The following DACH2 variants were observed in gnomAD, a reference collection of about 807,000 sequenced individuals.
The protein encoded by DACH2 is dachshund family transcription factor 2, also known as dachshund homolog 2.
A neutral mutation model predicts 35.8 loss-of-function variants in DACH2; 17 were observed. The ratio of observed to expected loss-of-function variants is 0.48; its 90% CI spans 0.33 to 0.71. The LOEUF is 0.71. DACH2 is among the 30% of genes least tolerant of loss of function. The pLI, the probability that DACH2 is intolerant of heterozygous loss-of-function variation, is 0.02. For synonymous variants in DACH2, 195 were observed against 177.3 expected (o/e 1.10, Z -0.79); for missense variants, 469 against 472.7 (o/e 0.99, Z 0.07).
intron 4 of DACH2, among the ~76,000 whole-genome samples, chrX:86,660,765 A>T (rs768214824): frequency 9.0e-6 from 1 of 111,570 alleles, no homozygotes; most frequent in Non-Finnish European, 1.9e-5. Context: ...TGTATCTAAA[A>T]ATCAAAATAA....
chrX:86,159,397 T>C (rs1213414910), intron 1 of DACH2, among the ~76,000 whole-genome samples: 1 of 111,979 alleles, frequency 8.9e-6, no homozygotes, highest in African/African-American at 3.2e-5. Context: ...AGCTTGCTGC[T>C]TTGAAAATAT....
At chrX:86,474,071 A>T (rs776703241) in intron 2 of DACH2, among the ~76,000 whole-genome samples, 1 of 111,702 alleles carries the variant, frequency 9.0e-6, no homozygotes, top group Non-Finnish European at 1.9e-5. Context: ...CTGGGGTGAG[A>T]TGATATCTCA....
At chrX:86,297,359 A>C (rs1482890979) in intron 1 of DACH2, among the ~76,000 whole-genome samples, 1 of 111,314 alleles carries the variant, frequency 9.0e-6, no homozygotes, top group African/African-American at 3.3e-5. Context: ...CTGCTTTAAA[A>C]AATTAATTTG....
intron 2 of DACH2, among the ~76,000 whole-genome samples, chrX:86,382,319 T>C (rs750327118): frequency 1.8e-4 from 20 of 109,629 alleles, no homozygotes; most frequent in African/African-American, 4.6e-4. Flanking sequence ...AACTTTCAGC[T>C]TTTCTTAGAT....
At chrX:86,303,742 A>ATATC (rs1287028917) in intron 1 of DACH2, among the ~76,000 whole-genome samples, 1 of 110,645 alleles carries the variant, frequency 9.0e-6, no homozygotes, top group Non-Finnish European at 1.9e-5. Flanking sequence ...ATATATATAT[A>ATATC]TCTTTCTGTA....
chrX:86,565,477 C>T (rs1255877861), intron 3 of DACH2, among the ~76,000 whole-genome samples: 1 of 111,345 alleles, frequency 9.0e-6, no homozygotes, highest in Non-Finnish European at 1.9e-5. Flanking sequence ...GGCAGCGGGG[C>T]CCAGCAGTCT....
chrX:86,570,588 G>C lies in DACH2; in HGVS notation c.640+56197G>C, dbSNP rs376577095. 1.5e-4 allele frequency among the ~76,000 whole-genome samples: 17 copies of C among 110,447 alleles called. No homozygotes were observed. The East Asian group carries it at 4.1e-3, about 26-fold the overall frequency. The stretch of plus-strand genomic sequence containing the variant: ...GAACAACACACACTGGGGCCTGTTG[G>C]GGGAGGGTGAAGCGGGAGAGCATTA... On this transcript the variant is annotated intron_variant, in intron 3 of 11. Transcript: ENST00000373125.
intron 1 of DACH2, chrX:86,305,105 G>T: frequency 7.0e-6 from 1 of 143,590 alleles, no homozygotes; most frequent in South Asian, 2.3e-4. Flanking sequence ...TGGGCACAGG[G>T]ACCCCTGAGA....
intron 1 of DACH2, among the ~76,000 whole-genome samples, chrX:86,159,833 G>A (rs1172646706): frequency 9.0e-6 from 1 of 111,129 alleles, no homozygotes; most frequent in Non-Finnish European, 1.9e-5. Context: ...AAATAACATT[G>A]ATTTGGCTTT....
At chrX:86,645,179 C>A (rs756645494) in intron 3 of DACH2, among the ~76,000 whole-genome samples, 1 of 111,281 alleles carries the variant, frequency 9.0e-6, no homozygotes, top group Admixed American at 9.5e-5. Flanking sequence ...TGACAAAATT[C>A]TAATATCCAG....
intron 2 of DACH2, among the ~76,000 whole-genome samples, chrX:86,489,678 C>G (rs1337009678): frequency 1.8e-5 from 2 of 111,437 alleles, no homozygotes; most frequent in Non-Finnish European, 3.8e-5. Flanking sequence ...TAAATGATCT[C>G]GCTTCATAAA....
chrX:86,343,249 G>T (rs926630207), intron 1 of DACH2, among the ~76,000 whole-genome samples: 6 of 111,567 alleles, frequency 5.4e-5, no homozygotes, highest in Non-Finnish European at 1.9e-5. Context: ...TTATTGAGTG[G>T]GAAAAGAGCC....
chrX:86,361,397 A>G (rs756329397), intron 1 of DACH2, among the ~76,000 whole-genome samples: 1 of 111,682 alleles, frequency 9.0e-6, no homozygotes, highest in African/African-American at 3.2e-5. Context: ...ATTTTATACC[A>G]ATATTTCTAA....
chrX:86,244,772 T>C (rs1361462250), intron 1 of DACH2, among the ~76,000 whole-genome samples: 2 of 112,446 alleles, frequency 1.8e-5, no homozygotes. Context: ...AAAAAGTTTT[T>C]CAAATTTATA....
intron 4 of DACH2, among the ~76,000 whole-genome samples, chrX:86,656,857 G>GTGTGTGTATATATA (rs1333268452): frequency 1.0e-3 from 67 of 66,742 alleles, no homozygotes; most frequent in African/African-American, 4.4e-3. Context: ...GTGTGTGTGT[G>GTGTGTGTATATATA]TATATATATA....
intron 3 of DACH2, among the ~76,000 whole-genome samples, chrX:86,591,108 G>C (rs934422548): frequency 4.5e-5 from 5 of 111,328 alleles, no homozygotes; most frequent in Non-Finnish European, 3.8e-5. Context: ...TGCTGAGAAT[G>C]ATGGTTTCCA....
chrX:86,367,693 C>T (rs774897751), intron 1 of DACH2, among the ~76,000 whole-genome samples: 6 of 111,274 alleles, frequency 5.4e-5, no homozygotes, highest in South Asian at 3.8e-4. Context: ...ATGGCCTAGT[C>T]GGGACCAATA....
At chrX:86,149,704 C>A (rs2030294286) in intron 1 of DACH2, among the ~76,000 whole-genome samples, 1 of 112,229 alleles carries the variant, frequency 8.9e-6, no homozygotes, top group Non-Finnish European at 1.9e-5. Flanking sequence ...TGTGCAAGTG[C>A]GCGTGAGAAC....
chrX:86,803,862 G>T (rs942096068), intron 7 of DACH2, among the ~76,000 whole-genome samples: 3 of 111,338 alleles, frequency 2.7e-5, no homozygotes, highest in Non-Finnish European at 5.7e-5. Flanking sequence ...GGTGCAGGTT[G>T]CAGTGTTAAA....
Sources: allele counts gnomAD v4.1 joint callset (sites outside exome capture counted in the v4.1 genomes callset), GRCh38; gene constraint gnomAD v4.1.1; transcripts MANE v1.5; gene names NCBI Gene and HGNC (gene_info 2026-07-23, HGNC 2026-07-21).